Variants in NRXN3 observed in about 807,000 individuals in gnomAD.
The protein encoded by NRXN3 is neurexin III.
In NRXN3, 32 loss-of-function variants were observed where a neutral mutation model predicts 137.6. The observed-to-expected ratio is 0.23, with a 90% CI of 0.18 to 0.31. The LOEUF (loss-of-function observed/expected upper bound fraction) is 0.31. NRXN3 is among the 10% of genes least tolerant of loss of function. The pLI is 1.00. For missense variants in NRXN3, 1,574 were observed against 2,062.5 expected (o/e 0.76, Z 4.59); for synonymous variants, 798 against 784.5 (o/e 1.02, Z -0.29).
At chr14:79,163,421 T>C (rs2060989638) in intron 15 of NRXN3, among the ~76,000 whole-genome samples, 1 of 151,958 alleles carries the variant, frequency 6.6e-6, no homozygotes, top group Admixed American at 6.6e-5. Flanking sequence ...TTACCATCTC[T>C]CTCAAGAGAG....
At chr14:79,814,120 T>G (rs1000101327) in intron 20 of NRXN3, among the ~76,000 whole-genome samples, 6 of 152,188 alleles carry the variant, frequency 3.9e-5, no homozygotes, top group African/African-American at 1.4e-4. Context: ...GGGAATTACA[T>G]TCTTTTGTAG....
At chr14:79,028,865 T>G (rs989069740) in intron 15 of NRXN3, among the ~76,000 whole-genome samples, 1 of 152,144 alleles carries the variant, frequency 6.6e-6, no homozygotes, top group African/African-American at 2.4e-5. Flanking sequence ...GTTCTTTTGC[T>G]CTTTTCTCAC....
At position 78,926,860 on chromosome 14, in the gene NRXN3, T is replaced by A. The variant is rs1402050830; in HGVS notation, c.2276-30382T>A. ...ATAAATATATAATATATTATATATA[T>A]AATATATATATAATATATAATATAT... On this transcript the variant is annotated intron_variant, in intron 10 of 20. Coordinates refer to ENST00000335750, the MANE Select transcript of NRXN3 (RefSeq NM_001330195.2). 1.7e-4 allele frequency among the ~76,000 whole-genome samples: 4 copies of A among 23,636 alleles called. No homozygotes were observed. The East Asian group carries it at 7.5e-3, about 44-fold the overall frequency. 15.5% of individuals were successfully genotyped at this position (23,636 alleles called of 152,430 possible).
At chr14:79,432,920 G>A (rs955637948) in intron 15 of NRXN3, among the ~76,000 whole-genome samples, 19 of 152,296 alleles carry the variant, frequency 1.2e-4, no homozygotes, top group Admixed American at 3.3e-4. Flanking sequence ...TGGACTGAGG[G>A]TGAGGGGACT....
intron 16 of NRXN3, among the ~76,000 whole-genome samples, chr14:79,485,145 A>T (rs1281351464): frequency 2.0e-5 from 3 of 152,032 alleles, no homozygotes; most frequent in Non-Finnish European, 4.4e-5. Context: ...ATTACTTAGC[A>T]GTTCTCTGAA....
At chr14:79,009,948 T>C (rs552500122) in intron 15 of NRXN3, among the ~76,000 whole-genome samples, 1 of 152,202 alleles carries the variant, frequency 6.6e-6, no homozygotes, top group Admixed American at 6.5e-5. Context: ...CCTTTTCTTT[T>C]GAAGAATATA....
intron 4 of NRXN3, among the ~76,000 whole-genome samples, chr14:78,434,305 A>T (rs1350588307): frequency 6.6e-6 from 1 of 152,088 alleles, no homozygotes; most frequent in Non-Finnish European, 1.5e-5. Context: ...TGAGGGAGGG[A>T]TCTGTTCCAG....
chr14:78,755,950 A>T (rs1291779432), intron 8 of NRXN3, among the ~76,000 whole-genome samples: 1 of 152,222 alleles, frequency 6.6e-6, no homozygotes, highest in Non-Finnish European at 1.5e-5. Context: ...TAATCAAATT[A>T]GTACCAAATA....
chr14:78,872,653 A>T (rs2099104337), intron 10 of NRXN3, among the ~76,000 whole-genome samples: 1 of 152,160 alleles, frequency 6.6e-6, no homozygotes, highest in South Asian at 2.1e-4. Flanking sequence ...AAATTCACTA[A>T]ATCTAAATAG....
At chr14:79,598,415 C>T (rs1244875070) in intron 16 of NRXN3, among the ~76,000 whole-genome samples, 1 of 152,180 alleles carries the variant, frequency 6.6e-6, no homozygotes, top group Non-Finnish European at 1.5e-5. Context: ...TCTAATCACC[C>T]AGTCTTCTAC....
intron 14 of NRXN3, among the ~76,000 whole-genome samples, chr14:78,974,464 G>A (rs777820850): frequency 3.9e-5 from 6 of 152,232 alleles, no homozygotes; most frequent in Non-Finnish European, 8.8e-5. Flanking sequence ...ATAATGGTTT[G>A]TAGGGAGAAG....
At chr14:79,663,727 G>A (rs1030995208) in intron 16 of NRXN3, 51 bp from the exon 17 acceptor site, 4 of 1,546,800 alleles carry the variant, frequency 2.6e-6, no homozygotes, top group Non-Finnish European at 3.5e-6. Context: ...TTTAAAGGGA[G>A]AGAACTTCGT....
intron 16 of NRXN3, among the ~76,000 whole-genome samples, chr14:79,659,388 G>A (rs538200825): frequency 3.3e-5 from 5 of 152,232 alleles, no homozygotes; most frequent in African/African-American, 4.8e-5. Flanking sequence ...ATTTCTTAGA[G>A]AGGCTTATAA....
intron 4 of NRXN3, among the ~76,000 whole-genome samples, chr14:78,472,763 T>A (rs2095300243): frequency 6.6e-6 from 1 of 152,170 alleles, no homozygotes; most frequent in Non-Finnish European, 1.5e-5. Flanking sequence ...GGGCCTATTT[T>A]AAGATAAAGG....
At chr14:79,541,545 G>T (rs905978980) in intron 16 of NRXN3, among the ~76,000 whole-genome samples, 2 of 152,034 alleles carry the variant, frequency 1.3e-5, no homozygotes, top group African/African-American at 2.4e-5. Flanking sequence ...TATCTTTTGG[G>T]GAGACACTAT....
intron 4 of NRXN3, chr14:78,403,875 G>C: frequency 1.0e-6 from 1 of 985,386 alleles, no homozygotes; most frequent in African/African-American, 1.7e-5. Context: ...CTCGAGCTTG[G>C]CAGGTAAGTC....
intron 15 of NRXN3, among the ~76,000 whole-genome samples, chr14:79,267,332 T>C (rs2078591342): frequency 6.6e-6 from 1 of 152,138 alleles, no homozygotes; most frequent in African/African-American, 2.4e-5. Context: ...AAGCATCTCA[T>C]TTCAATGATA....
chr14:78,855,263 C>T (rs974888069), intron 10 of NRXN3, among the ~76,000 whole-genome samples: 12 of 151,866 alleles, frequency 7.9e-5, no homozygotes, highest in Non-Finnish European at 1.5e-4. Context: ...TGTTTTTCTA[C>T]CAGAAGATTC....
intron 16 of NRXN3, among the ~76,000 whole-genome samples, chr14:79,473,900 G>A (rs995281972): frequency 1.3e-5 from 2 of 149,386 alleles, no homozygotes; most frequent in South Asian, 2.1e-4. Flanking sequence ...GAAGGTGGGA[G>A]AAGGGAGTAG....
Sources: allele counts gnomAD v4.1 joint callset (sites outside exome capture counted in the v4.1 genomes callset), GRCh38; gene constraint gnomAD v4.1.1; transcripts MANE v1.5; gene names NCBI Gene and HGNC (gene_info 2026-07-23, HGNC 2026-07-21).